The following SNAP91 variants were observed in gnomAD, a reference collection of about 807,000 sequenced individuals.
The protein encoded by SNAP91 is clathrin coat assembly protein AP180.
A neutral mutation model predicts 100.3 loss-of-function variants in SNAP91; 27 were observed. The observed-to-expected ratio is 0.27, with a 90% CI of 0.20 to 0.37. The LOEUF is 0.37. SNAP91 is among the 10% of genes least tolerant of loss of function. The pLI, the probability that SNAP91 is intolerant of heterozygous loss-of-function variation, is 1.00. For missense variants in SNAP91, 986 were observed against 1,123.7 expected (o/e 0.88, Z 1.75); for synonymous variants, 404 against 398.6 (o/e 1.01, Z -0.16).
At chr6:83,647,539 T>C (rs895430696) in intron 7 of SNAP91, among the ~76,000 whole-genome samples, 1 of 152,216 alleles carries the variant, frequency 6.6e-6, no homozygotes, top group Non-Finnish European at 1.5e-5. Flanking sequence ...TAAATCCCCT[T>C]GGTCATGGTT....
chr6:83,707,536 C>CGTGTGTGTGTGT (rs70987765), intron 2 of SNAP91, among the ~76,000 whole-genome samples: 40 of 149,064 alleles, frequency 2.7e-4, no homozygotes, highest in Admixed American at 6.7e-4. Context: ...TATACATATG[C>CGTGTGTGTGTGT]GTGTGTGTGT....
chr6:83,667,914 T>A (rs572817493), intron 2 of SNAP91, among the ~76,000 whole-genome samples: 1 of 151,702 alleles, frequency 6.6e-6, no homozygotes. Flanking sequence ...TGGGAGAAAA[T>A]TTTTGCAATC....
Position 83,593,467 on chromosome 6 carries a change from CA to C in SNAP91, c.1696+10del. 6.5e-7 allele frequency: 1 copy of C among 1,548,874 alleles called. No individual in the cohort carries two copies. The highest frequency in any genetic ancestry group is 8.7e-7 in the Non-Finnish European group (1 of 1,144,646). On this transcript the variant is annotated intron_variant, in intron 18 of 29. Transcript: ENST00000369694. ...GACGGAAAGAGGTCGACAACAATAA[CA>C]AAAAATTACCACCAAAGATATCTAG...
intron 2 of SNAP91, among the ~76,000 whole-genome samples, chr6:83,703,338 T>G (rs796484392): frequency 1.3e-5 from 2 of 152,252 alleles, no homozygotes; most frequent in African/African-American, 4.8e-5. Flanking sequence ...CTTTCAGCAC[T>G]TACTGAAAGC....
At chr6:83,667,440 T>C (rs2098706721) in intron 2 of SNAP91, among the ~76,000 whole-genome samples, 1 of 152,064 alleles carries the variant, frequency 6.6e-6, no homozygotes, top group African/African-American at 2.4e-5. Context: ...TGCTGGTCTT[T>C]TATTGAGTAA....
At chr6:83,575,373 T>C (rs943551565) in intron 25 of SNAP91, 1 of 452,710 alleles carries the variant, frequency 2.2e-6, no homozygotes, top group African/African-American at 2.0e-5. Flanking sequence ...CTATCCTCTA[T>C]AAAGAAAAGT....
At position 83,708,040 on chromosome 6, in the gene SNAP91, C is replaced by T. The variant is rs1050774161; in HGVS notation, c.-30-83G>A. On this transcript the variant is annotated intron_variant, in intron 1 of 29. Transcript: ENST00000369694. ...ACCCAGGCCTTGCCTCCTCCAGCCG[C>T]GCGGCGGCTCTCTCCTCCTCCATCC... The T allele has an allele frequency of 2.3e-5, 30 of 1,281,040 alleles. No homozygotes were observed. The African/African-American group carries it at 3.7e-4, about 16-fold the overall frequency. The allele number at this position is 1,281,040 out of a possible 1,614,324, so 79.4% of individuals were successfully genotyped here.
intron 2 of SNAP91, among the ~76,000 whole-genome samples, chr6:83,680,905 C>G (rs1483710013): frequency 1.3e-5 from 2 of 152,096 alleles, no homozygotes; most frequent in Non-Finnish European, 2.9e-5. Flanking sequence ...TGCAGTAGGA[C>G]CCCGGGGAAA....
intron 6 of SNAP91, 34 bp from the exon 7 acceptor site, chr6:83,656,899 T>A: frequency 1.0e-6 from 1 of 972,466 alleles, no homozygotes; most frequent in South Asian, 1.5e-5. Flanking sequence ...ATTAGCGGCA[T>A]ATCATTAAGT....
intron 2 of SNAP91, among the ~76,000 whole-genome samples, chr6:83,671,627 T>C (rs966532797): frequency 2.6e-5 from 4 of 152,010 alleles, no homozygotes; most frequent in African/African-American, 7.2e-5. Context: ...AAAATTAATC[T>C]TAGAAAGATT....
intron 2 of SNAP91, among the ~76,000 whole-genome samples, chr6:83,694,985 T>C (rs1017539008): frequency 8.6e-5 from 13 of 151,794 alleles, no homozygotes; most frequent in African/African-American, 2.4e-4. Context: ...AAACGAAAAC[T>C]GTGGGGCCGG....
chr6:83,650,914 T>C (rs2098175307), intron 7 of SNAP91, among the ~76,000 whole-genome samples: 2 of 152,242 alleles, frequency 1.3e-5, no homozygotes, highest in South Asian at 4.1e-4. Flanking sequence ...TCAAAGGTTA[T>C]TAATTATTGA....
intron 6 of SNAP91, among the ~76,000 whole-genome samples, chr6:83,657,939 T>TC (rs2098447431): frequency 6.6e-6 from 1 of 150,418 alleles, no homozygotes; most frequent in South Asian, 2.1e-4. Context: ...GCTTTTTTTT[T>TC]TTTTTTTTTT....
chr6:83,616,772 A>C (rs560952884), intron 10 of SNAP91, among the ~76,000 whole-genome samples, 197 bp downstream of exon 10: 3 of 152,280 alleles, frequency 2.0e-5, no homozygotes, highest in African/African-American at 7.2e-5. Context: ...AATTTGCTGC[A>C]TTAGCCTGCA....
chr6:83,563,926 T>C (rs1792447885), intron 26 of SNAP91, among the ~76,000 whole-genome samples: 1 of 152,210 alleles, frequency 6.6e-6, no homozygotes, highest in Admixed American at 6.5e-5. Flanking sequence ...GGCAATAATC[T>C]GCAAATTGCT....
chr6:83,636,860 T>C (rs1308611233), intron 8 of SNAP91, among the ~76,000 whole-genome samples: 2 of 152,208 alleles, frequency 1.3e-5, no homozygotes, highest in Non-Finnish European at 2.9e-5. Flanking sequence ...TTTTTTCCCG[T>C]AAGGGTTGAC....
At chr6:83,604,475 C>T (rs953736913) in intron 14 of SNAP91, among the ~76,000 whole-genome samples, 3 of 152,128 alleles carry the variant, frequency 2.0e-5, no homozygotes, top group African/African-American at 7.2e-5. Flanking sequence ...TATTTCAGAA[C>T]TGGTTATCTT....
intron 16 of SNAP91, among the ~76,000 whole-genome samples, chr6:83,599,263 A>G (rs1411387091): frequency 2.0e-5 from 3 of 151,878 alleles, no homozygotes; most frequent in African/African-American, 7.3e-5. Flanking sequence ...GCTATGCAGG[A>G]AGTAAGATAG....
At chr6:83,599,315 G>T (rs2094888539) in intron 16 of SNAP91, among the ~76,000 whole-genome samples, 2 of 152,052 alleles carry the variant, frequency 1.3e-5, no homozygotes, top group African/African-American at 2.4e-5. Context: ...CTTATAAGTG[G>T]ACTGGAAACA....
Sources: gnomAD v4.1 joint callset for allele counts (sites outside exome capture counted in the v4.1 genomes callset) on GRCh38, gnomAD v4.1.1 for gene constraint, MANE v1.5 for transcripts, NCBI Gene and HGNC (gene_info 2026-07-23, HGNC 2026-07-21) for gene names.